PIK3AP1: variants seen among roughly 807,000 people sequenced by gnomAD.
PIK3AP1 encodes phosphoinositide-3-kinase adaptor protein 1.
A neutral mutation model predicts 88.1 loss-of-function variants in PIK3AP1; 21 were observed. The observed-to-expected ratio is 0.24, with a 90% CI of 0.17 to 0.34. The LOEUF is 0.34. PIK3AP1 is among the 10% of genes least tolerant of loss of function. PIK3AP1 has a pLI of 1.00. For synonymous variants in PIK3AP1, 398 were observed against 400.0 expected, an observed-to-expected ratio of 1.00 and a Z score of 0.06; for missense variants, 828 against 1,035.7, an observed-to-expected ratio of 0.80 and a Z score of 2.75.
chr10:96,612,133 G>A (rs559548869), intron 13 of PIK3AP1, among the ~76,000 whole-genome samples: 3 of 152,320 alleles, frequency 2.0e-5, no homozygotes, highest in South Asian at 2.1e-4. Flanking sequence ...GGATCATAAA[G>A]TGATTCAGTG....
chr10:96,649,189 GCT>G (rs760271810), intron 6 of PIK3AP1, among the ~76,000 whole-genome samples: 12 of 152,122 alleles, frequency 7.9e-5, no homozygotes, highest in Non-Finnish European at 1.6e-4. Flanking sequence ...TAGGATTACA[GCT>G]GTGCATCACG....
intron 1 of PIK3AP1, among the ~76,000 whole-genome samples, chr10:96,713,490 C>G (rs1458182058): frequency 1.5e-5 from 2 of 135,112 alleles, no homozygotes; most frequent in Admixed American, 1.6e-4. Flanking sequence ...GGAGACAGAC[C>G]GAGACTCCGT....
At chr10:96,693,673 C>T (rs918177299) in intron 2 of PIK3AP1, among the ~76,000 whole-genome samples, 2 of 152,200 alleles carry the variant, frequency 1.3e-5, no homozygotes, top group African/African-American at 4.8e-5. Flanking sequence ...CTTACATATG[C>T]TACTCTTAAA....
chr10:96,669,469 A>G (rs552324474), intron 2 of PIK3AP1: 1 of 152,316 alleles, frequency 6.6e-6, no homozygotes, highest in African/African-American at 2.4e-5. Flanking sequence ...GGAGCTTCCA[A>G]TGAATTGGGA....
At chr10:96,686,136 T>G (rs1589536852) in intron 2 of PIK3AP1, among the ~76,000 whole-genome samples, 2 of 152,330 alleles carry the variant, frequency 1.3e-5, no homozygotes, top group East Asian at 3.9e-4. Flanking sequence ...CAATTCAGGA[T>G]GTAGGCAGTC....
intron 14 of PIK3AP1, among the ~76,000 whole-genome samples, chr10:96,608,445 A>G (rs564227088): frequency 6.6e-6 from 1 of 152,310 alleles, no homozygotes; most frequent in South Asian, 2.1e-4. Flanking sequence ...TCCAGACTAG[A>G]CTTCCCAGGC....
Position 96,709,834 on chromosome 10 carries a change from C to T in PIK3AP1, c.163G>A (p.Ala55Thr). ...HRLGPEASFS[A>T]EDLSLFLSTR... ...CTGAGGAAAAGGCTTAGGTCCTCTGCCGAGAAGGAGGCCTCGGGGCCCAGC... is the reference window on the plus strand; with the variant it reads ...CTGAGGAAAAGGCTTAGGTCCTCTGTCGAGAAGGAGGCCTCGGGGCCCAGC... The change falls in exon 2 of 17, where the codon GCA becomes ACA. Residue 55 changes from alanine (A) to threonine (T), a missense_variant. By Grantham distance (58) the Ala-to-Thr change is moderately conservative (BLOSUM62 0). This residue lies in a region of PIK3AP1 where 610 missense variants were observed against 760.1 expected (regional missense o/e 0.80). Transcript: ENST00000339364. 6.2e-7 allele frequency: 1 copy of T among 1,614,016 alleles called. No homozygotes were observed. Among genetic ancestry groups the T allele is most frequent in the Non-Finnish European group, 8.5e-7 (1 of 1,179,980 alleles).
At chr10:96,659,133 C>CTTCTTCTTAAGGA (rs200983951) in intron 2 of PIK3AP1, among the ~76,000 whole-genome samples, 1,840 of 152,196 alleles carry the variant, frequency 0.012, 46 homozygotes, top group African/African-American at 0.04. Flanking sequence ...TTCACACAGT[C>CTTCTTCTTAAGGA]TTCTTCTTAA....
chr10:96,633,730 T>C (rs10882834), intron 8 of PIK3AP1, among the ~76,000 whole-genome samples: 26,744 of 152,268 alleles, frequency 0.18, 2,533 homozygotes, highest in Admixed American at 0.28. Flanking sequence ...TATGAGTTCA[T>C]TGTAATATTT....
At chr10:96,664,572 A>G (rs1442941459) in intron 2 of PIK3AP1, among the ~76,000 whole-genome samples, 3 of 151,492 alleles carry the variant, frequency 2.0e-5, no homozygotes, top group African/African-American at 7.4e-5. Context: ...CACAAAACCA[A>G]TGCAATCTAT....
At chr10:96,664,153 A>C (rs1843730247) in intron 2 of PIK3AP1, among the ~76,000 whole-genome samples, 1 of 152,250 alleles carries the variant, frequency 6.6e-6, no homozygotes, top group Middle Eastern at 3.2e-3. Flanking sequence ...ATTCTGAACC[A>C]AGAGGCTTTG....
chr10:96,695,107 A>T (rs903172925), intron 2 of PIK3AP1, among the ~76,000 whole-genome samples: 1 of 152,208 alleles, frequency 6.6e-6, no homozygotes, highest in Non-Finnish European at 1.5e-5. Flanking sequence ...AAAATCTATA[A>T]CACAAAAACA....
intron 2 of PIK3AP1, among the ~76,000 whole-genome samples, chr10:96,677,250 A>G (rs1011338477): frequency 3.9e-5 from 6 of 152,114 alleles, no homozygotes; most frequent in Non-Finnish European, 5.9e-5. Flanking sequence ...CCTCAACACA[A>G]CACCTTCTTT....
In PIK3AP1 at chr10:96,648,785, G is replaced by A. The variant is rs1843495618; in HGVS notation, c.1059C>T (p.Ala353=). The A allele has an allele frequency of 6.2e-7, 1 of 1,609,088 alleles. No individual in the cohort carries two copies. Among genetic ancestry groups the A allele is most frequent in the Non-Finnish European group, 8.5e-7 (1 of 1,178,058 alleles). The change falls in exon 7 of 17, where the codon GCC becomes GCT. Residue 353 remains alanine, a synonymous_variant. Transcript: ENST00000339364. ...AAKYGLKNLT[A]LLLTCPGALQ... ...GGGCTCCTGGGCAGGTGAGCAACAAGGCAGTGAGGTTCTTCAGTCCATACT... is the reference window on the plus strand; with the variant it reads ...GGGCTCCTGGGCAGGTGAGCAACAAAGCAGTGAGGTTCTTCAGTCCATACT...
intron 8 of PIK3AP1, among the ~76,000 whole-genome samples, chr10:96,629,709 C>A: frequency 2.0e-5 from 1 of 51,126 alleles, no homozygotes. Flanking sequence ...GAGACCCCAT[C>A]TCTACAAAAA....
In PIK3AP1 at chr10:96,703,578, C is replaced by A. The variant is rs140940012; in HGVS notation, c.430+5989G>T. Among the ~76,000 whole-genome samples, 499 of 152,254 alleles carry A rather than the reference C, an allele frequency of 3.3e-3. 1 individual carries two copies. Among genetic ancestry groups the A allele is most frequent in the African/African-American group, 0.011 (457 of 41,552 alleles). On this transcript the variant is annotated intron_variant, in intron 2 of 16. Coordinates refer to ENST00000339364, the MANE Select transcript of PIK3AP1 (RefSeq NM_152309.3). ...GTCTAACAGAATCTATTTTTATATT[C>A]CATTGAGATTTGAAGCAAAGAATAG...
rs529783056 is a variant in PIK3AP1, at chr10:96,606,662, C to G, written c.2171-2613G>C. 1.5e-3 allele frequency among the ~76,000 whole-genome samples: 221 copies of G among 152,328 alleles called. 1 individual carries two copies. The highest frequency in any genetic ancestry group is 4.7e-3 in the African/African-American group (194 of 41,574). The stretch of plus-strand genomic sequence containing the variant: ...CCAGGGGGAAGGGGGGCAGTGCCCA[C>G]CCCTTGGTAGGCTTCTACCATCAGG... On this transcript the variant is annotated intron_variant, in intron 14 of 16. Coordinates refer to ENST00000339364, the MANE Select transcript of PIK3AP1 (RefSeq NM_152309.3).
At chr10:96,635,243 T>A (rs1843297442) in intron 8 of PIK3AP1, among the ~76,000 whole-genome samples, 1 of 152,172 alleles carries the variant, frequency 6.6e-6, no homozygotes, top group Admixed American at 6.5e-5. Context: ...CAGCTTGCCA[T>A]GAATTTCCTT....
At chr10:96,693,183 C>A (rs1392831351) in intron 2 of PIK3AP1, among the ~76,000 whole-genome samples, 1 of 152,212 alleles carries the variant, frequency 6.6e-6, no homozygotes. Flanking sequence ...TTGAAATTCT[C>A]ACATTCATTC....
Sources: allele counts gnomAD v4.1 joint callset (sites outside exome capture counted in the v4.1 genomes callset), GRCh38; gene constraint gnomAD v4.1.1; regional missense constraint gnomAD v4.1.1; transcripts MANE v1.5; gene names NCBI Gene and HGNC (gene_info 2026-07-23, HGNC 2026-07-21).